Variants in MAST4 observed in about 807,000 individuals in gnomAD.
MAST4 encodes the protein microtubule-associated serine/threonine-protein kinase 4.
A neutral mutation model predicts 162.7 loss-of-function variants in MAST4; 89 were observed. The ratio of observed to expected loss-of-function variants is 0.55; its 90% CI spans 0.46 to 0.65. The LOEUF is 0.65. MAST4 is among the 30% of genes least tolerant of loss of function. The pLI is 0.00. For missense variants in MAST4, 3,153 were observed against 3,374.0 expected (o/e 0.93, Z 1.62); for synonymous variants, 1,479 against 1,361.1 (o/e 1.09, Z -1.91).
intron 1 of MAST4, among the ~76,000 whole-genome samples, chr5:66,702,653 G>T (rs771136314): frequency 9.2e-5 from 14 of 152,172 alleles, no homozygotes; most frequent in Non-Finnish European, 1.8e-4. Context: ...CCTGAGGCAG[G>T]ACTGTGTTTG....
chr5:66,892,495 G>A (rs1255244187), intron 3 of MAST4, among the ~76,000 whole-genome samples: 3 of 152,136 alleles, frequency 2.0e-5, no homozygotes, highest in Non-Finnish European at 4.4e-5. Flanking sequence ...ATCCCCACAT[G>A]TGCCCTTGCC....
intron 26 of MAST4, among the ~76,000 whole-genome samples, chr5:67,158,623 A>C (rs1772827706): frequency 1.3e-5 from 2 of 152,136 alleles, no homozygotes; most frequent in Admixed American, 1.3e-4. Flanking sequence ...ACTAATAATA[A>C]AATACTAAGA....
At chr5:66,786,111 C>T (rs891763357) in intron 2 of MAST4, among the ~76,000 whole-genome samples, 6 of 152,144 alleles carry the variant, frequency 3.9e-5, no homozygotes, top group African/African-American at 1.4e-4. Context: ...TCGAGGGATC[C>T]GCTCACCTCG....
At chr5:67,081,795 A>G (rs1002800135) in intron 5 of MAST4, among the ~76,000 whole-genome samples, 4 of 152,240 alleles carry the variant, frequency 2.6e-5, no homozygotes, top group Non-Finnish European at 4.4e-5. Context: ...TAAAATTTCT[A>G]TGCCCCAGAC....
chr5:67,166,944 C>G lies in MAST4; in HGVS notation c.7765C>G (p.Pro2589Ala), dbSNP rs777690576. The stretch of plus-strand genomic sequence containing the variant: ...AGACGTGACCAAGCCATCCCCAGCC[C>G]CAAACACTGACCGCCCCATCTCTCT... ...GRDVTKPSPA[P>A]NTDRPISLSN... The change falls in exon 29 of 29, where the codon CCA becomes GCA. Residue 2589 changes from proline (P) to alanine (A), a missense_variant. By Grantham distance (27) the Pro-to-Ala change is conservative. Around this residue, in one of 7 missense-constraint regions of MAST4, gnomAD observed 1,644 missense variants for 1,495.0 expected, o/e 1.10. Transcript: ENST00000403625. 6 of 1,612,372 alleles carry G rather than the reference C, an allele frequency of 3.7e-6. No homozygotes were observed. In the South Asian group the frequency reaches 5.5e-5, roughly 15 times the overall value.
At chr5:66,870,064 A>G (rs2149869166) in intron 3 of MAST4, among the ~76,000 whole-genome samples, 1 of 152,306 alleles carries the variant, frequency 6.6e-6, no homozygotes, top group South Asian at 2.1e-4. Flanking sequence ...GGAATGAATA[A>G]TAGGAAGGTG....
chr5:66,597,701 G>C (rs1042244587), intron 1 of MAST4, among the ~76,000 whole-genome samples: 40 of 152,284 alleles, frequency 2.6e-4, no homozygotes, highest in African/African-American at 9.6e-4. Flanking sequence ...TACCTTTTGC[G>C]GGGCGGAGCG....
intron 4 of MAST4, among the ~76,000 whole-genome samples, chr5:66,958,140 TGAAAGAGAAAGAGA>T (rs1439955590): frequency 6.6e-6 from 1 of 152,040 alleles, no homozygotes; most frequent in Non-Finnish European, 1.5e-5. Context: ...TGTGTATGTG[TGAAAGAGAAAGAGA>T]GAGAGAGAAA....
At chr5:66,837,888 ATATATATTTTTTTTTTTT>A (rs1161953250) in intron 3 of MAST4, among the ~76,000 whole-genome samples, 8 of 34,934 alleles carry the variant, frequency 2.3e-4, no homozygotes, top group South Asian at 2.4e-3. Flanking sequence ...ATATATATAT[ATATATATTTTTTTTTTTT>A]TTTTTTTTTT....
At chr5:66,997,630 G>A (rs960274546) in intron 4 of MAST4, among the ~76,000 whole-genome samples, 22 of 151,434 alleles carry the variant, frequency 1.5e-4, no homozygotes, top group African/African-American at 1.9e-4. Flanking sequence ...ACGGGGTTTC[G>A]CCACGTTGGC....
chr5:66,596,840 AGCCGCC>A lies in MAST4; in HGVS notation c.199_204del (p.Pro67_Pro68del), dbSNP rs577558811. ...CCCGGCGGCTTCTCCAGAGAGCATC[AGCCGCC>A]GCCGCCGCCGCCGTTGGGAGGCACC... On this transcript the variant is annotated inframe_deletion, in exon 1 of 29. Coordinates refer to ENST00000403625, the MANE Select transcript of MAST4 (RefSeq NM_001164664.2). The A allele has an allele frequency of 2.4e-6, 3 of 1,242,978 alleles. No homozygotes were observed. Among genetic ancestry groups the A allele is most frequent in the African/African-American group, 3.2e-5 (2 of 62,404 alleles). The allele number at this position is 1,242,978 out of a possible 1,614,324, so 77.0% of individuals were successfully genotyped here.
At chr5:66,871,830 C>T (rs375237926) in intron 3 of MAST4, among the ~76,000 whole-genome samples, 1 of 152,186 alleles carries the variant, frequency 6.6e-6, no homozygotes, top group Non-Finnish European at 1.5e-5. Flanking sequence ...CATTTAGCAA[C>T]TGATCATCAG....
At chr5:67,071,490 C>T (rs565416443) in intron 5 of MAST4, among the ~76,000 whole-genome samples, 31 of 151,974 alleles carry the variant, frequency 2.0e-4, no homozygotes, top group African/African-American at 6.8e-4. Flanking sequence ...TGGTGGCTCA[C>T]GCCTGTAATC....
At chr5:66,931,127 G>C (rs558597203) in intron 4 of MAST4, among the ~76,000 whole-genome samples, 1 of 152,212 alleles carries the variant, frequency 6.6e-6, no homozygotes, top group East Asian at 1.9e-4. Context: ...TCATTTTAAA[G>C]TCACAATGAT....
chr5:66,677,458 G>A (rs1049672050), intron 1 of MAST4, among the ~76,000 whole-genome samples: 2 of 152,078 alleles, frequency 1.3e-5, no homozygotes, highest in East Asian at 3.9e-4. Context: ...TATCCATTTT[G>A]CATTTGCTCA....
chr5:66,843,874 G>A (rs1191294633), intron 3 of MAST4, among the ~76,000 whole-genome samples: 4 of 152,044 alleles, frequency 2.6e-5, no homozygotes, highest in Middle Eastern at 6.3e-3. Flanking sequence ...TAATGGAATT[G>A]GACCCTCTTT....
intron 3 of MAST4, among the ~76,000 whole-genome samples, chr5:66,855,194 T>G (rs1759588480): frequency 6.6e-6 from 1 of 152,148 alleles, no homozygotes; most frequent in East Asian, 1.9e-4. Flanking sequence ...AGCCATCCCC[T>G]TGGTGATGAG....
intron 1 of MAST4, among the ~76,000 whole-genome samples, chr5:66,730,843 A>G (rs74947775): frequency 0.024 from 3,585 of 152,068 alleles, 89 homozygotes; most frequent in African/African-American, 0.063. Flanking sequence ...ATGGATCCAC[A>G]TATACCAACC....
At chr5:66,640,586 C>T (rs1187954062) in intron 1 of MAST4, among the ~76,000 whole-genome samples, 8 of 152,196 alleles carry the variant, frequency 5.3e-5, no homozygotes, top group African/African-American at 1.9e-4. Flanking sequence ...GGATTACAGG[C>T]GTGAGCCACC....
Sources: allele counts gnomAD v4.1 joint callset (sites outside exome capture counted in the v4.1 genomes callset), GRCh38; gene constraint gnomAD v4.1.1; regional missense constraint gnomAD v4.1.1; transcripts MANE v1.5; gene names NCBI Gene and HGNC (gene_info 2026-07-23, HGNC 2026-07-21).